PLEC: variants seen among roughly 807,000 people sequenced by gnomAD.
The protein encoded by PLEC is hemidesmosomal protein 1.
A neutral mutation model predicts 392.8 loss-of-function variants in PLEC; 216 were observed. That is an observed-to-expected ratio of 0.55 (90% CI 0.49 to 0.62). The LOEUF (loss-of-function observed/expected upper bound fraction) is 0.62, where lower values mean the gene tolerates loss of function less well. Ranked by LOEUF, PLEC falls within the 20% of genes least tolerant of loss-of-function variation. The pLI, the probability that PLEC is intolerant of heterozygous loss-of-function variation, is 0.00. For missense variants in PLEC, 6,863 were observed against 6,563.4 expected (o/e 1.05, Z -1.58); for synonymous variants, 3,621 against 2,980.6 (o/e 1.21, Z -7.00).
Position 143,939,533 on chromosome 8 carries a change from ACAGG to A in PLEC, c.-76_-73del. The A allele has an allele frequency of 6.4e-7, 1 of 1,553,266 alleles. No individual in the cohort carries two copies. The highest frequency in any genetic ancestry group is 1.2e-5 in the South Asian group (1 of 84,962). ...TGCTCTGGGCAGCCCCGTGTGGCAC[ACAGG>A]CAGCTGAAGGCTGGCGGCCCCACGA... is the stretch of plus-strand genomic sequence containing the variant. On this transcript the variant is annotated 5_prime_UTR_variant, in exon 1 of 32. Transcript: ENST00000345136.
At position 143,934,954 on chromosome 8, in the gene PLEC, C is replaced by T. The variant is rs973892687; in HGVS notation, c.826-25G>A. 1.9e-6 allele frequency: 3 copies of T among 1,610,444 alleles called. No individual in the cohort carries two copies. The African/African-American group carries it at 4.0e-5, about 21-fold the overall frequency. On this transcript the variant is annotated intron_variant, in intron 8 of 31. Transcript: ENST00000345136. The stretch of plus-strand genomic sequence containing the variant: ...CCTGCGGGCAGGCACGGGCGGCTGT[C>T]AGGGGTCGTCGGGGCGTCCAGGCCC...
intron 1 of PLEC, among the ~76,000 whole-genome samples, chr8:143,946,076 A>C (rs1316816386): frequency 6.6e-6 from 1 of 152,236 alleles, no homozygotes; most frequent in Non-Finnish European, 1.5e-5. Context: ...AGCCTGACTC[A>C]ATGGCCTGGG....
At position 143,924,769 on chromosome 8, in the gene PLEC, G is replaced by C; in HGVS notation, c.5160C>G (p.Ala1720=). The part of the protein sequence containing the change: ...AAEQELIRLR[A]ETEQGEQQRQ... ...GCTGCTGCTCCCCCTGCTCCGTCTC[G>C]GCCCGCAGCCGGATCAACTCCTGCT... Residue 1720 remains alanine, a synonymous_variant, in exon 31 of 32, where the codon GCC becomes GCG. Transcript: ENST00000345136. 6.5e-7 allele frequency: 1 copy of C among 1,535,202 alleles called. No homozygotes were observed. The highest frequency in any genetic ancestry group is 1.2e-5 in the South Asian group (1 of 84,104).
chr8:143,943,743 C>G, upstream of PLEC: 1 of 1,596,944 alleles, frequency 6.3e-7, no homozygotes, highest in South Asian at 1.1e-5. Flanking sequence ...CCCTCTGCCC[C>G]GCCTCGAGTC....
At position 143,917,823 on chromosome 8, in the gene PLEC, A is replaced by C; in HGVS notation, c.11998T>G (p.Phe4000Val). ...TCGGCCGACAGCAGCTTGTCCTTGAACTCGGGGCCCACAATGCCCATACGC... is the reference window on the plus strand; with the variant it reads ...TCGGCCGACAGCAGCTTGTCCTTGACCTCGGGGCCCACAATGCCCATACGC... ...AVRMGIVGPEFKDKLLSAERA... is the reference protein window; with the variant it reads ...AVRMGIVGPEVKDKLLSAERA... The change falls in exon 32 of 32, where the codon TTC (phenylalanine) becomes GTC (valine). Residue 4000 changes from phenylalanine (F) to valine (V), a missense_variant. Transcript: ENST00000345136. The C allele has an allele frequency of 1.2e-6, 2 of 1,612,504 alleles. No individual in the cohort carries two copies. The highest frequency in any genetic ancestry group is 1.7e-6 in the Non-Finnish European group (2 of 1,179,736).
rs1453391605 is a variant in PLEC, at chr8:143,932,898, C to G, written c.1632G>C (p.Trp544Cys). 1 of 1,612,566 alleles carries G rather than the reference C, an allele frequency of 6.2e-7. No individual in the cohort carries two copies. The highest frequency in any genetic ancestry group is 1.1e-5 in the South Asian group (1 of 91,066). Residue 544 changes from tryptophan (W) to cysteine (C), a missense_variant, in exon 14 of 32, where the codon TGG (tryptophan) becomes TGC (cysteine). Coordinates refer to ENST00000345136, the MANE Select transcript of PLEC (RefSeq NM_201384.3). The part of the protein sequence containing the change: ...ENQHRVDGAE[W>C]GVDLPSVEAQ... ...CCTCCACGCTGGGCAGGTCCACACCCCACTCAGCGCCATCCACACGGTGCT... is the reference window on the plus strand; with the variant it reads ...CCTCCACGCTGGGCAGGTCCACACCGCACTCAGCGCCATCCACACGGTGCT...
At position 143,973,281 on chromosome 8, in the gene PLEC, G is replaced by T; in HGVS notation, c.70+122C>A. ...GCAGCCGTTGGGGGCGATCCAGGCG[G>T]ACGAGGCCGGCGGAGTGGCCGCGCT... On this transcript the variant is annotated intron_variant, in intron 1 of 31. Coordinates refer to the PLEC transcript ENST00000356346. This position sits in a 1 kb window ranked among gnomAD's most constrained non-coding sequence, Gnocchi z 5.6. The T allele has an allele frequency of 7.9e-7, 1 of 1,262,048 alleles. No individual in the cohort carries two copies. Among genetic ancestry groups the T allele is most frequent in the Non-Finnish European group, 1.1e-6 (1 of 915,046 alleles). 78.2% of individuals were successfully genotyped at this position (1,262,048 alleles called of 1,614,324 possible).
At chr8:143,965,429 C>T (rs931945918) in intron 1 of PLEC, among the ~76,000 whole-genome samples, 2 of 152,240 alleles carry the variant, frequency 1.3e-5, no homozygotes, top group Non-Finnish European at 2.9e-5. Flanking sequence ...ACTCCCCTTC[C>T]ACTGGGCCTA....
At position 143,920,989 on chromosome 8, in the gene PLEC, C is replaced by T. The variant is rs1554683659; in HGVS notation, c.8832G>A (p.Gln2944=). The part of the protein sequence containing the change: ...TAEQRRDLLR[Q]FRTGRITVEK... The stretch of plus-strand genomic sequence containing the variant: ...CCACTGTGATCCGGCCCGTGCGGAA[C>T]TGCCGCAGCAGGTCCCGCCGCTGCT... Residue 2944 remains glutamine (Q), a synonymous_variant, in exon 32 of 32, where the codon CAG becomes CAA. Coordinates refer to ENST00000345136, the MANE Select transcript of PLEC (RefSeq NM_201384.3). 2 of 1,613,156 alleles carry T rather than the reference C, an allele frequency of 1.2e-6. No homozygotes were observed. Among genetic ancestry groups the T allele is most frequent in the Non-Finnish European group, 8.5e-7 (1 of 1,180,026 alleles).
intron 4 of PLEC, 31 bp from the exon 5 acceptor site, chr8:143,937,102 A>C: frequency 6.2e-7 from 1 of 1,609,402 alleles, no homozygotes; most frequent in Middle Eastern, 1.7e-4. Flanking sequence ...GTCACGGCCC[A>C]CAGGGCGGGG....
Position 143,971,129 on chromosome 8 carries a change from G to A in PLEC, c.70+2274C>T, listed in dbSNP as rs182992886. Among the ~76,000 whole-genome samples the A allele has an allele frequency of 3.8e-3, 573 of 152,328 alleles. 4 individuals carry two copies. Among genetic ancestry groups the A allele is most frequent in the Non-Finnish European group, 3.2e-3 (215 of 68,022 alleles). On this transcript the variant is annotated intron_variant, in intron 1 of 31. Transcript: ENST00000356346. ...GAGAGCCAGGGAATGACGTGTCCAG[G>A]GGAGGGTCTGAGACGTTGTGGGGTG...
chr8:143,921,022 G>A lies in PLEC; in HGVS notation c.8799C>T (p.Phe2933=), dbSNP rs371751910. 8.7e-5 allele frequency: 141 copies of A among 1,612,938 alleles called. No homozygotes were observed. The Middle Eastern group carries it at 1.8e-3, about 21-fold the overall frequency. ...TIWEIINSEY[F]TAEQRRDLLR... is the part of the protein sequence containing the mutation. The stretch of plus-strand genomic sequence containing the variant: ...GCAGGTCCCGCCGCTGCTCTGCCGT[G>A]AAGTATTCCGAGTTGATGATCTCCC... Residue 2933 remains phenylalanine, a synonymous_variant, in exon 32 of 32, where the codon TTC becomes TTT. Coordinates refer to ENST00000345136, the MANE Select transcript of PLEC (RefSeq NM_201384.3).
In PLEC at chr8:143,920,365, C is replaced by A; in HGVS notation, c.9456G>T (p.Val3152=). The A allele has an allele frequency of 6.3e-7, 1 of 1,593,802 alleles. No homozygotes were observed. The highest frequency in any genetic ancestry group is 8.5e-7 in the Non-Finnish European group (1 of 1,174,356). The part of the protein sequence containing the change: ...GIVDPSKSHR[V]PLDVACARGC... ...CTCGGGCGCAGGCGACATCCAGGGGCACGCGGTGGCTCTTGCTGGGGTCCA... is the reference window on the plus strand; with the variant it reads ...CTCGGGCGCAGGCGACATCCAGGGGAACGCGGTGGCTCTTGCTGGGGTCCA... The change falls in exon 32 of 32, where the codon GTG becomes GTT. Residue 3152 remains valine (V), a synonymous_variant. Transcript: ENST00000345136.
chr8:143,946,174 C>T (rs564784862), intron 1 of PLEC, among the ~76,000 whole-genome samples: 1 of 152,342 alleles, frequency 6.6e-6, no homozygotes, highest in East Asian at 1.9e-4. Context: ...CAGGCCTGTG[C>T]TTCCGGGACA....
In PLEC at chr8:143,931,445, C is replaced by T. The variant is rs1282418243; in HGVS notation, c.2304+89G>A. 7 of 1,432,456 alleles carry T rather than the reference C, an allele frequency of 4.9e-6. No homozygotes were observed. The African/African-American group carries it at 8.4e-5, about 17-fold the overall frequency. The allele number at this position is 1,432,456 out of a possible 1,614,324, so 88.7% of individuals were successfully genotyped here. A position where few individuals can be genotyped will look rare whatever the true frequency, so the allele number is the denominator to read the frequency against. On this transcript the variant is annotated intron_variant, in intron 19 of 31. Coordinates refer to ENST00000345136, the MANE Select transcript of PLEC (RefSeq NM_201384.3). ...TGCCTCCCAACTCCTGCTGGCCCCTCCAGTTGCCCCCTAGTCTCCAGAGTA... is the reference window on the plus strand; with the variant it reads ...TGCCTCCCAACTCCTGCTGGCCCCTTCAGTTGCCCCCTAGTCTCCAGAGTA...
rs370769102 is a variant in PLEC at position 143,917,090 on chromosome 8, C to A, written c.12731G>T (p.Arg4244Leu). The A allele has an allele frequency of 3.1e-6, 5 of 1,606,146 alleles. No homozygotes were observed. In the East Asian group the frequency reaches 1.1e-4, roughly 36 times the overall value. Reference sequence around the variant, plus strand: ...GGATCCCACCGAGGAGGAACGGGAGCGGAAACCACCGGCGTTGCCCGAGAG... The same window carrying A: ...GGATCCCACCGAGGAGGAACGGGAGAGGAAACCACCGGCGTTGCCCGAGAG... Reference protein sequence around the residue: ...DMLSGNAGGFRSRSSSVGSSS... With the variant: ...DMLSGNAGGFLSRSSSVGSSS... Residue 4244 changes from arginine (R) to leucine (L), a missense_variant, in exon 32 of 32, where the codon CGC becomes CTC. Physicochemically the swap from Arg to Leu is moderately radical, Grantham distance 102. Coordinates refer to ENST00000345136, the MANE Select transcript of PLEC (RefSeq NM_201384.3).
At chr8:143,950,892 G>T (rs572480261), upstream of PLEC, 32 of 1,254,236 alleles carry the variant, frequency 2.6e-5, no homozygotes, top group Non-Finnish European at 3.2e-5. Context: ...TGTGTGGCTC[G>T]TGGCGCCTGG....
At position 143,918,866 on chromosome 8, in the gene PLEC, A is replaced by G. The variant is rs782495301; in HGVS notation, c.10955T>C (p.Leu3652Pro). The G allele has an allele frequency of 6.2e-7, 1 of 1,612,778 alleles. No homozygotes were observed. The highest frequency in any genetic ancestry group is 8.5e-7 in the Non-Finnish European group (1 of 1,180,018). The change falls in exon 32 of 32, where the codon CTG (leucine) becomes CCG (proline). Residue 3652 changes from leucine to proline, a missense_variant. By Grantham distance (98) the Leu-to-Pro change is moderately conservative (BLOSUM62 -3). Coordinates refer to ENST00000345136, the MANE Select transcript of PLEC (RefSeq NM_201384.3). ...YVRRRLTAED[L>P]FEARIISLET... ...GAGAGAGATGATCCGAGCCTCGAAC[A>G]GGTCCTCAGCCGTGAGGCGGCGGCG...
Position 143,929,586 on chromosome 8 carries a change from T to C in PLEC, c.2924-15A>G, listed in dbSNP as rs1554711360. 1 of 1,611,996 alleles carries C rather than the reference T, an allele frequency of 6.2e-7. No individual in the cohort carries two copies. Among genetic ancestry groups the C allele is most frequent in the Non-Finnish European group, 8.5e-7 (1 of 1,179,876 alleles). On this transcript the variant is annotated splice_polypyrimidine_tract_variant and intron_variant, in intron 23 of 31. Transcript: ENST00000345136. ...TTCCTGTGCACCTGGGGAACACATG[T>C]GGGTCACTCCACCGCCCACCTCGCA...
Sources: allele counts gnomAD v4.1 joint callset (sites outside exome capture counted in the v4.1 genomes callset), GRCh38; gene constraint gnomAD v4.1.1; non-coding constraint Gnocchi (gnomAD v3.1); transcripts MANE v1.5; gene names NCBI Gene and HGNC (gene_info 2026-07-23, HGNC 2026-07-21).